Variants in PPBP observed in about 807,000 individuals in gnomAD.
The protein encoded by PPBP is platelet basic protein.
Under a neutral mutation model 8.3 loss-of-function variants are expected in PPBP, and 8 were observed. The ratio of observed to expected loss-of-function variants is 0.97; its 90% CI spans 0.57 to 1.75. The LOEUF (loss-of-function observed/expected upper bound fraction) is 1.75, where lower values mean the gene tolerates loss of function less well. Among genes scored for constraint, PPBP ranks in the 40% most tolerant of loss-of-function variants. The pLI is 0.00. For missense variants in PPBP, 169 were observed against 149.2 expected, an observed-to-expected ratio of 1.13 and a Z score of -0.69; for synonymous variants, 64 against 58.9, an observed-to-expected ratio of 1.09 and a Z score of -0.40.
At position 73,986,955 on chromosome 4, in the gene PPBP, C is replaced by A. The variant is rs1237221961; in HGVS notation, c.*317G>T. 9.6e-6 allele frequency: 3 copies of A among 313,810 alleles called. No homozygotes were observed. Among genetic ancestry groups the A allele is most frequent in the East Asian group, 1.8e-4 (2 of 10,930 alleles). 19.4% of individuals were successfully genotyped at this position (313,810 alleles called of 1,614,324 possible). The stretch of plus-strand genomic sequence containing the variant: ...TAATACCCATGAGTATGTCTAATAA[C>A]CATAAAGTAGACCAGGAAAAATCAA... On this transcript the variant is annotated 3_prime_UTR_variant, in exon 3 of 3. Coordinates refer to ENST00000296028, the MANE Select transcript of PPBP (RefSeq NM_002704.3).
In PPBP at chr4:73,987,956, C is replaced by A; in HGVS notation, c.148G>T (p.Glu50Ter). ...AAGTGCAGAGAAGCAGGGCCTCTAC[C>A]TTTGCCTTTCGCCAAGTTTCTCTTA... ...QTKRNLAKGK[E>*]ESLDSDLYAE... Residue 50 changes from glutamate to a stop codon, truncating the protein, a stop_gained and splice_region_variant, in exon 1 of 3, where the codon GAG becomes TAG. Coordinates refer to ENST00000296028, the MANE Select transcript of PPBP (RefSeq NM_002704.3). LOFTEE classifies it high-confidence loss of function. The A allele has an allele frequency of 1.2e-6, 2 of 1,614,124 alleles. No individual in the cohort carries two copies. Among genetic ancestry groups the A allele is most frequent in the Non-Finnish European group, 1.7e-6 (2 of 1,179,986 alleles).
chr4:73,988,030 A>G lies in PPBP; in HGVS notation c.74T>C (p.Leu25Pro). The G allele has an allele frequency of 1.2e-6, 2 of 1,614,082 alleles. No individual in the cohort carries two copies. The highest frequency in any genetic ancestry group is 1.7e-6 in the Non-Finnish European group (2 of 1,179,944). The change falls in exon 1 of 3, where the codon CTT (leucine) becomes CCT (proline). Residue 25 changes from leucine (L) to proline (P), a missense_variant. Transcript: ENST00000296028. Reference protein sequence around the residue: ...RPLHALQVLLLLSLLLTALAS... With the variant: ...RPLHALQVLLPLSLLLTALAS... ...CAGAGCAGTCAGCAGCAATGACAGA[A>G]GCAGCAGCACCTGCAAGGCATGAAG...
chr4:73,987,119 A>C lies in PPBP; in HGVS notation c.*153T>G, dbSNP rs949772817. 14 of 707,136 alleles carry C rather than the reference A, an allele frequency of 2.0e-5. No homozygotes were observed. Among genetic ancestry groups the C allele is most frequent in the Non-Finnish European group, 3.3e-5 (14 of 423,320 alleles). 43.8% of individuals were successfully genotyped at this position (707,136 alleles called of 1,614,324 possible). ...CCATCTTTTAACCAACCTTCTCAGA[A>C]TAAAATGTGATTTTTGAGACAGAAT... On this transcript the variant is annotated 3_prime_UTR_variant, in exon 3 of 3. Transcript: ENST00000296028.
Position 73,988,154 on chromosome 4 carries a change from T to C in PPBP, c.-51A>G. ...TTTCCAGAACCAGAAGACCTCTGAGTGAGGGTGAGTTGCTGCCTACAAGTC... is the reference window on the plus strand; with the variant it reads ...TTTCCAGAACCAGAAGACCTCTGAGCGAGGGTGAGTTGCTGCCTACAAGTC... On this transcript the variant is annotated 5_prime_UTR_variant, in exon 1 of 3. Coordinates refer to ENST00000296028, the MANE Select transcript of PPBP (RefSeq NM_002704.3). 1 of 1,595,184 alleles carries C rather than the reference T, an allele frequency of 6.3e-7. No homozygotes were observed. The highest frequency in any genetic ancestry group is 8.6e-7 in the Non-Finnish European group (1 of 1,163,252).
intron 1 of PPBP, 147 bp from the exon 2 acceptor site, chr4:73,987,799 G>A: frequency 2.1e-6 from 3 of 1,432,632 alleles, no homozygotes; most frequent in Non-Finnish European, 2.9e-6. Context: ...AGATTGCCCA[G>A]CACACAAGAA....
intron 2 of PPBP, 59 bp downstream of exon 2, chr4:73,987,458 A>G: frequency 6.2e-7 from 1 of 1,608,872 alleles, no homozygotes; most frequent in Non-Finnish European, 8.5e-7. Flanking sequence ...ACGAGTGCAT[A>G]TGTGGATGGA....
Position 73,987,644 on chromosome 4 carries a change from G to A in PPBP, c.157C>T (p.Leu53=), listed in dbSNP as rs1461392995. The A allele has an allele frequency of 2.5e-6, 4 of 1,610,948 alleles. No individual in the cohort carries two copies. The highest frequency in any genetic ancestry group is 2.5e-6 in the Non-Finnish European group (3 of 1,177,282). ...RNLAKGKEES[L]DSDLYAELRC... ...AGTTCAGCATACAAGTCACTGTCTAGACTTTCCTCTAGGGTAGAAAATGTG... is the reference window on the plus strand; with the variant it reads ...AGTTCAGCATACAAGTCACTGTCTAAACTTTCCTCTAGGGTAGAAAATGTG... Residue 53 remains leucine (L), a synonymous_variant, in exon 2 of 3, where the codon CTA becomes TTA. Coordinates refer to ENST00000296028, the MANE Select transcript of PPBP (RefSeq NM_002704.3).
At position 73,987,594 on chromosome 4, in the gene PPBP, G is replaced by A. The variant is rs546120479; in HGVS notation, c.207C>T (p.Thr69=). ...GGATGTTTTTGGGATGAATTCCAGA[G>A]GTTGTCTTTATACACATGCAGCGGA... ...AELRCMCIKT[T]SGIHPKNIQS... The change falls in exon 2 of 3, where the codon ACC becomes ACT. Residue 69 remains threonine (T), a synonymous_variant. Transcript: ENST00000296028. The A allele has an allele frequency of 4.3e-6, 7 of 1,614,066 alleles. No homozygotes were observed. The highest frequency in any genetic ancestry group is 5.9e-6 in the Non-Finnish European group (7 of 1,179,948).
At position 73,987,227 on chromosome 4, in the gene PPBP, C is replaced by T. The variant is rs1433841762; in HGVS notation, c.*45G>A. 2 of 1,511,252 alleles carry T rather than the reference C, an allele frequency of 1.3e-6. No homozygotes were observed. The highest frequency in any genetic ancestry group is 1.8e-6 in the Non-Finnish European group (2 of 1,090,018). 93.6% of individuals were successfully genotyped at this position (1,511,252 alleles called of 1,614,324 possible). ...TCTAGAAAATCAAGGTTTCAAAATTCTACCCTTCCTGGGAGTTAAAGAAGT... is the reference window on the plus strand; with the variant it reads ...TCTAGAAAATCAAGGTTTCAAAATTTTACCCTTCCTGGGAGTTAAAGAAGT... On this transcript the variant is annotated 3_prime_UTR_variant, in exon 3 of 3. Transcript: ENST00000296028.
In PPBP at chr4:73,987,505, A is replaced by C; in HGVS notation, c.284+12T>G. ...TCTCTGATAAGGCAATAGCACAGAA[A>C]CAGCAACTTACATCACTTCGACTTG... On this transcript the variant is annotated intron_variant, in intron 2 of 2. Transcript: ENST00000296028. 6.2e-7 allele frequency: 1 copy of C among 1,612,474 alleles called. No homozygotes were observed. Among genetic ancestry groups the C allele is most frequent in the African/African-American group, 1.3e-5 (1 of 75,024 alleles).
At position 73,988,060 on chromosome 4, in the gene PPBP, C is replaced by G; in HGVS notation, c.44G>C (p.Arg15Thr). 6.2e-7 allele frequency: 1 copy of G among 1,614,054 alleles called. No individual in the cohort carries two copies. Among genetic ancestry groups the G allele is most frequent in the Non-Finnish European group, 8.5e-7 (1 of 1,179,942 alleles). ...LDTTPSCNSA[R>T]PLHALQVLLL... ...CAGCACCTGCAAGGCATGAAGTGGT[C>G]TCGCACTGTTACAGGAAGGGGTGGT... Residue 15 changes from arginine to threonine, a missense_variant, in exon 1 of 3, where the codon AGA becomes ACA. Arg to Thr is a moderately conservative substitution (Grantham distance 71, BLOSUM62 -1). Transcript: ENST00000296028.
At chr4:73,987,833 T>C (rs1316181195) in intron 1 of PPBP, 123 bp downstream of exon 1, 6 of 1,489,494 alleles carry the variant, frequency 4.0e-6, no homozygotes, top group Non-Finnish European at 5.6e-6. Flanking sequence ...CCCCTGTGTG[T>C]CTCCTCCAAT....
rs1302072607 is a variant in PPBP, at chr4:73,987,587, T to C, written c.214A>G (p.Ile72Val). Residue 72 changes from isoleucine (I) to valine (V), a missense_variant, in exon 2 of 3, where the codon ATT (isoleucine) becomes GTT (valine). Physicochemically the swap from Ile to Val is conservative, Grantham distance 29. Coordinates refer to ENST00000296028, the MANE Select transcript of PPBP (RefSeq NM_002704.3). Reference sequence around the variant, plus strand: ...AAACTTTGGATGTTTTTGGGATGAATTCCAGAGGTTGTCTTTATACACATG... The same window carrying C: ...AAACTTTGGATGTTTTTGGGATGAACTCCAGAGGTTGTCTTTATACACATG... Reference protein sequence around the residue: ...RCMCIKTTSGIHPKNIQSLEV... With the variant: ...RCMCIKTTSGVHPKNIQSLEV... 12 of 1,614,096 alleles carry C rather than the reference T, an allele frequency of 7.4e-6. No homozygotes were observed. Among genetic ancestry groups the C allele is most frequent in the Non-Finnish European group, 8.5e-6 (10 of 1,179,956 alleles).
At position 73,988,027 on chromosome 4, in the gene PPBP, A is replaced by G. The variant is rs1253277386; in HGVS notation, c.77T>C (p.Leu26Pro). The stretch of plus-strand genomic sequence containing the variant: ...AGCCAGAGCAGTCAGCAGCAATGAC[A>G]GAAGCAGCAGCACCTGCAAGGCATG... ...PLHALQVLLLLSLLLTALASS... is the reference protein window; with the variant it reads ...PLHALQVLLLPSLLLTALASS... Residue 26 changes from leucine to proline, a missense_variant, in exon 1 of 3, where the codon CTG becomes CCG. By Grantham distance (98) the Leu-to-Pro change is moderately conservative (BLOSUM62 -3). Transcript: ENST00000296028. The G allele has an allele frequency of 2.8e-5, 45 of 1,613,996 alleles. No individual in the cohort carries two copies. The highest frequency in any genetic ancestry group is 3.6e-5 in the Non-Finnish European group (43 of 1,179,966).
In PPBP at chr4:73,988,120, C is replaced by T; in HGVS notation, c.-17G>A. The T allele has an allele frequency of 1.2e-6, 2 of 1,613,764 alleles. No individual in the cohort carries two copies. The highest frequency in any genetic ancestry group is 1.7e-6 in the Non-Finnish European group (2 of 1,179,750). ...GAGGCTCATGGTGGAGAAGGCTGAG[C>T]TAGAGTTGTTTCCAGAACCAGAAGA... On this transcript the variant is annotated 5_prime_UTR_variant, in exon 1 of 3. Transcript: ENST00000296028.
At position 73,988,035 on chromosome 4, in the gene PPBP, C is replaced by T; in HGVS notation, c.69G>A (p.Leu23=). Reference sequence around the variant, plus strand: ...CAGTCAGCAGCAATGACAGAAGCAGCAGCACCTGCAAGGCATGAAGTGGTC... The same window carrying T: ...CAGTCAGCAGCAATGACAGAAGCAGTAGCACCTGCAAGGCATGAAGTGGTC... ...SARPLHALQV[L]LLLSLLLTAL... Residue 23 remains leucine (L), a synonymous_variant, in exon 1 of 3, where the codon CTG becomes CTA. Transcript: ENST00000296028. 2 of 1,614,066 alleles carry T rather than the reference C, an allele frequency of 1.2e-6. No homozygotes were observed. Among genetic ancestry groups the T allele is most frequent in the Non-Finnish European group, 1.7e-6 (2 of 1,179,932 alleles).
At position 73,988,151 on chromosome 4, in the gene PPBP, G is replaced by A. The variant is rs763562819; in HGVS notation, c.-48C>T. 1 of 1,595,098 alleles carries A rather than the reference G, an allele frequency of 6.3e-7. No homozygotes were observed. Among genetic ancestry groups the A allele is most frequent in the Non-Finnish European group, 8.6e-7 (1 of 1,163,140 alleles). ...TTGTTTCCAGAACCAGAAGACCTCTGAGTGAGGGTGAGTTGCTGCCTACAA... is the reference window on the plus strand; with the variant it reads ...TTGTTTCCAGAACCAGAAGACCTCTAAGTGAGGGTGAGTTGCTGCCTACAA... On this transcript the variant is annotated 5_prime_UTR_variant, in exon 1 of 3. Coordinates refer to ENST00000296028, the MANE Select transcript of PPBP (RefSeq NM_002704.3).
rs905592779 is a variant in PPBP at position 73,986,866 on chromosome 4, T to C, written c.*406A>G. Among the ~76,000 whole-genome samples the C allele has an allele frequency of 6.6e-6, 1 of 152,190 alleles. No homozygotes were observed. Among genetic ancestry groups the C allele is most frequent in the Non-Finnish European group, 1.5e-5 (1 of 68,018 alleles). On this transcript the variant is annotated 3_prime_UTR_variant, in exon 3 of 3. Transcript: ENST00000296028. ...CCTAAATATATTAACAAAAATGTAT[T>C]GAGCAAATATTCTCTGTTGGGCTCC... is the stretch of plus-strand genomic sequence containing the variant.
chr4:73,987,893 G>C, intron 1 of PPBP, 63 bp downstream of exon 1: 1 of 1,608,386 alleles, frequency 6.2e-7, no homozygotes, highest in Non-Finnish European at 8.5e-7. Context: ...CACCAAGCTA[G>C]TCTTTACCCC....
Sources: gnomAD v4.1 joint callset for allele counts (sites outside exome capture counted in the v4.1 genomes callset) on GRCh38, gnomAD v4.1.1 for gene constraint, MANE v1.5 for transcripts, NCBI Gene and HGNC (gene_info 2026-07-23, HGNC 2026-07-21) for gene names.